Variants in CASC3 observed in about 807,000 individuals in gnomAD.
The protein encoded by CASC3 is protein CASC3.
CASC3 carries 30 observed loss-of-function variants against 80.5 expected under a neutral mutation model. The ratio of observed to expected loss-of-function variants is 0.37; its 90% CI spans 0.28 to 0.51. The LOEUF (loss-of-function observed/expected upper bound fraction) is 0.51. Among genes scored for constraint, CASC3 ranks in the 20% least tolerant of loss-of-function variants. The probability of loss-of-function intolerance (pLI) is 0.94; values close to 1 mark genes in which losing one functional copy is unlikely to be tolerated. For missense variants in CASC3, 824 were observed against 922.2 expected (o/e 0.89, Z 1.38); for synonymous variants, 312 against 333.6 (o/e 0.94, Z 0.70).
chr17:40,141,262 A>G (rs757066763), intron 2 of CASC3, 28 bp downstream of exon 2: 2 of 1,605,670 alleles, frequency 1.2e-6, no homozygotes, highest in Non-Finnish European at 1.7e-6. Context: ...CCCCATTAGG[A>G]CAAGAGTTTT....
chr17:40,158,751 A>T (rs1598427013), intron 3 of CASC3, among the ~76,000 whole-genome samples: 2 of 152,264 alleles, frequency 1.3e-5, no homozygotes, highest in Admixed American at 1.3e-4. Flanking sequence ...TTCATTTCTG[A>T]AATGTGATGG....
At chr17:40,160,312 G>T (rs1351925468) in intron 3 of CASC3, among the ~76,000 whole-genome samples, 3 of 152,114 alleles carry the variant, frequency 2.0e-5, no homozygotes, top group Non-Finnish European at 4.4e-5. Flanking sequence ...AGGCAACATA[G>T]CGAGACCTCG....
intron 3 of CASC3, among the ~76,000 whole-genome samples, chr17:40,142,485 A>T (rs1988743645): frequency 6.6e-6 from 1 of 152,228 alleles, no homozygotes; most frequent in African/African-American, 2.4e-5. Context: ...AAGAAAGCCC[A>T]CAGGGGCCGG....
At position 40,163,580 on chromosome 17, in the gene CASC3, A is replaced by G. The variant is rs763908079; in HGVS notation, c.885A>G (p.Thr295=). The G allele has an allele frequency of 3.1e-6, 5 of 1,614,140 alleles. No homozygotes were observed. Among genetic ancestry groups the G allele is most frequent in the African/African-American group, 1.3e-5 (1 of 75,034 alleles). Residue 295 remains threonine (T), a synonymous_variant, in exon 7 of 14, where the codon ACA becomes ACG. Transcript: ENST00000264645. ...QGLGGTLPPR[T]FINRNAAGTG... ...TTGGGGGCACCCTACCACCAAGGACATTTATTAACAGGAATGCTGCAGGTA... is the reference window on the plus strand; with the variant it reads ...TTGGGGGCACCCTACCACCAAGGACGTTTATTAACAGGAATGCTGCAGGTA...
rs1191033177 is a variant in CASC3, at chr17:40,171,323, C to T, written c.*918C>T. 7.1e-6 allele frequency: 7 copies of T among 985,894 alleles called. No homozygotes were observed. Among genetic ancestry groups the T allele is most frequent in the African/African-American group, 5.2e-5 (3 of 57,204 alleles). 61.1% of individuals were successfully genotyped at this position (985,894 alleles called of 1,614,324 possible). A position where few individuals can be genotyped will look rare whatever the true frequency, so the allele number is the denominator to read the frequency against. ...TAGGGGTGTGTATTCACATAGTCCTCAGGGCTCAGTCTTTTGAGGTAAGTG... is the reference window on the plus strand; with the variant it reads ...TAGGGGTGTGTATTCACATAGTCCTTAGGGCTCAGTCTTTTGAGGTAAGTG... On this transcript the variant is annotated 3_prime_UTR_variant, in exon 14 of 14. Coordinates refer to ENST00000264645, the MANE Select transcript of CASC3 (RefSeq NM_007359.5).
Position 40,170,819 on chromosome 17 carries a change from T to C in CASC3, c.*414T>C. 2 of 984,876 alleles carry C rather than the reference T, an allele frequency of 2.0e-6. No homozygotes were observed. The highest frequency in any genetic ancestry group is 2.4e-6 in the Non-Finnish European group (2 of 829,338). The allele number at this position is 984,876 out of a possible 1,614,324, so 61.0% of individuals were successfully genotyped here. ...TTCATTTTTAAAGCCTGGCTTCTTA[T>C]CCTTAATATTATTTTAATTTTTTCT... On this transcript the variant is annotated 3_prime_UTR_variant, in exon 14 of 14. Coordinates refer to ENST00000264645, the MANE Select transcript of CASC3 (RefSeq NM_007359.5).
intron 3 of CASC3, among the ~76,000 whole-genome samples, chr17:40,151,892 T>A (rs1002596866): frequency 2.0e-5 from 3 of 152,178 alleles, no homozygotes; most frequent in South Asian, 2.1e-4. Context: ...GTAGCATGTA[T>A]CAGTACTTCA....
At chr17:40,154,664 C>A (rs531666435) in intron 3 of CASC3, among the ~76,000 whole-genome samples, 16 of 151,900 alleles carry the variant, frequency 1.1e-4, no homozygotes, top group African/African-American at 3.6e-4. Context: ...TTATAGTGTT[C>A]TTTCAAGGAC....
chr17:40,141,054 T>A, intron 1 of CASC3, 153 bp from the exon 2 acceptor site: 1 of 737,960 alleles, frequency 1.4e-6, no homozygotes, highest in Non-Finnish European at 2.3e-6. Context: ...AGACCAGACC[T>A]GCCTTGGCTA....
intron 1 of CASC3, 126 bp from the exon 2 acceptor site, chr17:40,141,081 T>G: frequency 1.1e-6 from 1 of 886,022 alleles, no homozygotes. Flanking sequence ...GATAAAGATT[T>G]ACCTATCTCT....
chr17:40,149,984 A>C (rs1368927263), intron 3 of CASC3, among the ~76,000 whole-genome samples: 1 of 152,200 alleles, frequency 6.6e-6, no homozygotes, highest in Non-Finnish European at 1.5e-5. Flanking sequence ...AGTACATGAG[A>C]AGATGTAGGA....
rs757845458 is a variant in CASC3 at position 40,140,540 on chromosome 17, C to T, written c.-9C>T. On this transcript the variant is annotated 5_prime_UTR_variant, in exon 1 of 14. Coordinates refer to ENST00000264645, the MANE Select transcript of CASC3 (RefSeq NM_007359.5). ...AAGTACCTCGCCGGTGGTGGCCGTTCTCCGTAAGATGGCGGACCGGCGGCG... is the reference window on the plus strand; with the variant it reads ...AAGTACCTCGCCGGTGGTGGCCGTTTTCCGTAAGATGGCGGACCGGCGGCG... 1.2e-6 allele frequency: 2 copies of T among 1,605,502 alleles called. No individual in the cohort carries two copies. Among genetic ancestry groups the T allele is most frequent in the South Asian group, 1.1e-5 (1 of 91,036 alleles).
chr17:40,158,799 T>A (rs1382612546), intron 3 of CASC3, among the ~76,000 whole-genome samples: 2 of 152,182 alleles, frequency 1.3e-5, no homozygotes, highest in Non-Finnish European at 2.9e-5. Flanking sequence ...TAGGTCAAAT[T>A]TTTGTAATTA....
intron 3 of CASC3, among the ~76,000 whole-genome samples, chr17:40,151,490 G>T (rs112315968): frequency 0.039 from 5,886 of 151,950 alleles, 378 homozygotes; most frequent in African/African-American, 0.14. Flanking sequence ...GGGATTACAG[G>T]CGTAAGTCAC....
chr17:40,168,573 A>C, intron 11 of CASC3, 156 bp downstream of exon 11: 1 of 667,548 alleles, frequency 1.5e-6, no homozygotes. Context: ...CAGGAGCTGG[A>C]AATGCAGCTT....
chr17:40,169,391 C>T lies in CASC3; in HGVS notation c.2033C>T (p.Pro678Leu). The change falls in exon 12 of 14, where the codon CCC becomes CTC. Residue 678 changes from proline to leucine, a missense_variant. This residue lies in a region of CASC3 where 464 missense variants were observed against 506.0 expected (regional missense o/e 0.92). Coordinates refer to ENST00000264645, the MANE Select transcript of CASC3 (RefSeq NM_007359.5). ...GCCCAGCAGCAGGTGCAGCCAAAGCCCTCCCCACCCCGGAGGACTCCCCAG... is the reference window on the plus strand; with the variant it reads ...GCCCAGCAGCAGGTGCAGCCAAAGCTCTCCCCACCCCGGAGGACTCCCCAG... ...NPAQQQVQPK[P>L]SPPRRTPQPV... The T allele has an allele frequency of 1.9e-6, 3 of 1,612,650 alleles. No individual in the cohort carries two copies. Among genetic ancestry groups the T allele is most frequent in the African/African-American group, 1.3e-5 (1 of 74,926 alleles).
At position 40,167,566 on chromosome 17, in the gene CASC3, C is replaced by T; in HGVS notation, c.1605C>T (p.Ala535=). Residue 535 remains alanine (A), a synonymous_variant, in exon 9 of 14, where the codon GCC becomes GCT. Coordinates refer to ENST00000264645, the MANE Select transcript of CASC3 (RefSeq NM_007359.5). ...AAAGACCTGTGCCAGAGCCCCCCGC[C>T]CCTCCAGTGCATATCAGTATCATGG... ...QRQRPVPEPP[A]PPVHISIMEG... The T allele has an allele frequency of 6.2e-7, 1 of 1,614,068 alleles. No homozygotes were observed. The highest frequency in any genetic ancestry group is 8.5e-7 in the Non-Finnish European group (1 of 1,179,984).
intron 8 of CASC3, 106 bp downstream of exon 8, chr17:40,166,967 CTTT>C (rs751149013): frequency 1.3e-6 from 1 of 773,576 alleles, no homozygotes; most frequent in Admixed American, 3.7e-5. Flanking sequence ...TTCTTTCTTT[CTTT>C]TTTTTTGAGA....
chr17:40,145,081 G>A (rs371325126), intron 3 of CASC3, among the ~76,000 whole-genome samples: 1 of 151,062 alleles, frequency 6.6e-6, no homozygotes, highest in Non-Finnish European at 1.5e-5. Context: ...AGCTGGTCTC[G>A]AACTCCTGAC....
Sources: allele counts gnomAD v4.1 joint callset (sites outside exome capture counted in the v4.1 genomes callset), GRCh38; gene constraint gnomAD v4.1.1; regional missense constraint gnomAD v4.1.1; transcripts MANE v1.5; gene names NCBI Gene and HGNC (gene_info 2026-07-23, HGNC 2026-07-21).